CSMD2: variants seen among roughly 807,000 people sequenced by gnomAD.
CSMD2 encodes the protein CUB and sushi domain-containing protein 2.
Under a neutral mutation model 398.5 loss-of-function variants are expected in CSMD2, and 130 were observed. That is an observed-to-expected ratio of 0.33 (90% CI 0.28 to 0.38). The LOEUF is 0.38. Among genes scored for constraint, CSMD2 ranks in the 10% least tolerant of loss-of-function variants. The pLI is 1.00. For synonymous variants in CSMD2, 1,828 were observed against 1,908.5 expected (o/e 0.96, Z 1.10); for missense variants, 3,829 against 4,764.9 (o/e 0.80, Z 5.78).
chr1:34,113,692 C>T (rs1469090239), intron 1 of CSMD2, among the ~76,000 whole-genome samples: 1 of 152,166 alleles, frequency 6.6e-6, no homozygotes, highest in Non-Finnish European at 1.5e-5. Context: ...CACAGAAACA[C>T]TGACTTAACA....
intron 10 of CSMD2, 124 bp downstream of exon 10, chr1:33,810,619 A>AT: frequency 2.0e-6 from 2 of 988,884 alleles, no homozygotes; most frequent in Non-Finnish European, 2.9e-6. Context: ...TAAAAAAAAA[A>AT]GTAAAAGAAC....
chr1:33,648,505 G>A (rs1457389359), intron 28 of CSMD2, among the ~76,000 whole-genome samples: 2 of 152,160 alleles, frequency 1.3e-5, no homozygotes, highest in African/African-American at 4.8e-5. Flanking sequence ...CAAAGCAATG[G>A]CTACCAGGGA....
At chr1:34,161,650 T>C (rs1251624428) in intron 1 of CSMD2, among the ~76,000 whole-genome samples, 1 of 152,142 alleles carries the variant, frequency 6.6e-6, no homozygotes. Flanking sequence ...GAGGTGGTCA[T>C]TGGTGCTCTC....
At chr1:33,795,094 G>A (rs1398294853) in intron 10 of CSMD2, among the ~76,000 whole-genome samples, 1 of 151,706 alleles carries the variant, frequency 6.6e-6, no homozygotes, top group Non-Finnish European at 1.5e-5. Flanking sequence ...CAAGGTCAAG[G>A]TGAGGCGGGA....
Position 33,985,443 on chromosome 1 carries a change from C to T in CSMD2, c.517+47151G>A, listed in dbSNP as rs148927059. Among the ~76,000 whole-genome samples, 65 of 152,270 alleles carry T rather than the reference C, an allele frequency of 4.3e-4. No homozygotes were observed. The Middle Eastern group carries it at 0.01, about 24-fold the overall frequency. On this transcript the variant is annotated intron_variant, in intron 3 of 70. Transcript: ENST00000373381. ...CAGGCTCCTCTGGAGGAAGGCAGGA[C>T]GTAGCCACGTCTGCAGGGCTTGGCA... is the stretch of plus-strand genomic sequence containing the variant.
intron 40 of CSMD2, among the ~76,000 whole-genome samples, chr1:33,614,255 G>T (rs1641238268): frequency 6.6e-6 from 1 of 151,640 alleles, no homozygotes; most frequent in South Asian, 2.1e-4. Flanking sequence ...CACATTCCTG[G>T]ATTTTAGTTT....
intron 2 of CSMD2, among the ~76,000 whole-genome samples, chr1:34,082,419 G>A (rs1362582428): frequency 4.0e-5 from 6 of 151,564 alleles, no homozygotes; most frequent in Admixed American, 1.3e-4. Context: ...GGAGGTGGGG[G>A]GCGCCCCCGC....
intron 25 of CSMD2, among the ~76,000 whole-genome samples, chr1:33,670,009 T>C (rs1644440685): frequency 1.3e-5 from 2 of 152,232 alleles, no homozygotes; most frequent in South Asian, 4.1e-4. Context: ...ACTTCTAGCC[T>C]CTAGAACTGT....
chr1:33,588,835 G>GT (rs1639250737), intron 44 of CSMD2, among the ~76,000 whole-genome samples: 1 of 152,150 alleles, frequency 6.6e-6, no homozygotes, highest in African/African-American at 2.4e-5. Flanking sequence ...GCACTAGGTG[G>GT]TAGAGTACAG....
intron 53 of CSMD2, among the ~76,000 whole-genome samples, chr1:33,560,501 G>A (rs895705599): frequency 3.3e-5 from 5 of 152,218 alleles, no homozygotes; most frequent in Admixed American, 3.3e-4. Flanking sequence ...TACAAAGCAA[G>A]TTCCTGCCTC....
At chr1:33,758,527 T>C (rs1369685384) in intron 13 of CSMD2, among the ~76,000 whole-genome samples, 2 of 152,260 alleles carry the variant, frequency 1.3e-5, no homozygotes, top group African/African-American at 4.8e-5. Context: ...GAATTTGCTG[T>C]ATGATTGGTA....
chr1:33,935,820 T>C lies in CSMD2; in HGVS notation c.652A>G (p.Thr218Ala). ...CTGTTCTCAGAGCCAGCGTGGCAGGTGAGCACGGCGTGGCCCTCCAGGAAG... is the reference window on the plus strand; with the variant it reads ...CTGTTCTCAGAGCCAGCGTGGCAGGCGAGCACGGCGTGGCCCTCCAGGAAG... ...GFFLEGHAVL[T>A]CHAGSENSAT... Residue 218 changes from threonine to alanine, a missense_variant, in exon 4 of 71, where the codon ACC becomes GCC. Coordinates refer to ENST00000373381, the MANE Select transcript of CSMD2 (RefSeq NM_001281956.2). The C allele has an allele frequency of 6.2e-7, 1 of 1,613,842 alleles. No homozygotes were observed. Among genetic ancestry groups the C allele is most frequent in the Non-Finnish European group, 8.5e-7 (1 of 1,179,902 alleles).
At chr1:33,566,795 C>A (rs1659094750) in intron 53 of CSMD2, among the ~76,000 whole-genome samples, 1 of 152,092 alleles carries the variant, frequency 6.6e-6, no homozygotes, top group Non-Finnish European at 1.5e-5. Context: ...AGAACAGAAA[C>A]TACAGGAAGT....
At chr1:33,950,391 G>C (rs1644967951) in intron 3 of CSMD2, among the ~76,000 whole-genome samples, 1 of 127,744 alleles carries the variant, frequency 7.8e-6, no homozygotes, top group Admixed American at 7.6e-5. Flanking sequence ...AGCAGAGAGA[G>C]AGAGAGAGAG....
In CSMD2 at chr1:33,605,395, C is replaced by T. The variant is rs1462521989; in HGVS notation, c.6419G>A (p.Gly2140Glu). The T allele has an allele frequency of 6.2e-7, 1 of 1,614,174 alleles. No individual in the cohort carries two copies. Among genetic ancestry groups the T allele is most frequent in the East Asian group, 2.2e-5 (1 of 44,872 alleles). ...GAGGCACTCGAAGGTCACTGATTGT[C>T]CCACGTTGTAGCCAGCTCCCCTCAC... ...GIVRGAGYNV[G>E]QSVTFECLPG... Residue 2140 changes from glycine (G) to glutamate (E), a missense_variant, in exon 42 of 71, where the codon GGA becomes GAA. Gly to Glu is a moderately conservative substitution (Grantham distance 98). Coordinates refer to ENST00000373381, the MANE Select transcript of CSMD2 (RefSeq NM_001281956.2).
chr1:34,107,715 C>T (rs1660658481), intron 1 of CSMD2, among the ~76,000 whole-genome samples: 1 of 152,172 alleles, frequency 6.6e-6, no homozygotes, highest in Non-Finnish European at 1.5e-5. Context: ...AAGAACTTCA[C>T]CTTAGGTAGC....
chr1:33,521,833 T>C (rs1163998926), intron 67 of CSMD2, among the ~76,000 whole-genome samples: 1 of 152,218 alleles, frequency 6.6e-6, no homozygotes, highest in Middle Eastern at 3.2e-3. Context: ...AAAATGAGAA[T>C]AGTAACAGTA....
intron 10 of CSMD2, among the ~76,000 whole-genome samples, chr1:33,793,994 C>A (rs1259299021): frequency 6.6e-6 from 1 of 152,170 alleles, no homozygotes; most frequent in Non-Finnish European, 1.5e-5. Context: ...TCCTCATTCC[C>A]CCAACAGGGA....
At chr1:33,853,761 G>C (rs1638877754) in intron 5 of CSMD2, among the ~76,000 whole-genome samples, 1 of 152,194 alleles carries the variant, frequency 6.6e-6, no homozygotes. Context: ...GGCTTCTTTG[G>C]GGGAGGCAGG....
Sources: gnomAD v4.1 joint callset for allele counts (sites outside exome capture counted in the v4.1 genomes callset) on GRCh38, gnomAD v4.1.1 for gene constraint, MANE v1.5 for transcripts, NCBI Gene and HGNC (gene_info 2026-07-23, HGNC 2026-07-21) for gene names.